QTGAL: variants seen among roughly 807,000 people sequenced by gnomAD.
QTGAL encodes queuosine-tRNA galactosyltransferase, also known as BGnT-like protein 1.
the QTGAL span, among the ~76,000 whole-genome samples, chr17:83,008,400 G>A: frequency 6.6e-6 from 1 of 152,214 alleles, no homozygotes; most frequent in Non-Finnish European, 1.5e-5. Flanking sequence ...TTTATACGGG[G>A]ACCACCAGGA....
At chr17:83,044,384 C>T in the QTGAL span, among the ~76,000 whole-genome samples, 1 of 152,172 alleles carries the variant, frequency 6.6e-6, no homozygotes. Flanking sequence ...GGGGAAAAAA[C>T]TATATGATCA....
chr17:82,952,284 G>A, the QTGAL span, among the ~76,000 whole-genome samples: 1 of 152,114 alleles, frequency 6.6e-6, no homozygotes, highest in Non-Finnish European at 1.5e-5. Flanking sequence ...GCTGTCACAG[G>A]TGCCCATGTC....
At chr17:83,023,250 G>A in the QTGAL span, among the ~76,000 whole-genome samples, 531 of 34,076 alleles carry the variant, frequency 0.016, 8 homozygotes, top group African/African-American at 0.027. Context: ...GTGAACTCAC[G>A]TTAGCTTAGC....
chr17:83,005,897 T>G, the QTGAL span: 34 of 1,362,704 alleles, frequency 2.5e-5, no homozygotes, highest in Non-Finnish European at 3.2e-5. The surrounding 1 kb of genome is among the most constrained non-coding windows in gnomAD (Gnocchi z 5.6). Flanking sequence ...TGCCCCGGAG[T>G]GGGCTCCCAG....
chr17:82,972,122 C>CT, the QTGAL span, among the ~76,000 whole-genome samples: 1 of 64,936 alleles, frequency 1.5e-5, no homozygotes, highest in African/African-American at 6.8e-5. Context: ...CCACACCACA[C>CT]CACAGGGGAT....
the QTGAL span, among the ~76,000 whole-genome samples, chr17:82,983,236 C>T: frequency 1.8e-4 from 27 of 152,134 alleles, no homozygotes; most frequent in Admixed American, 1.4e-3. Context: ...GCCGAGATCA[C>T]GCCATTGCAC....
chr17:82,999,136 T>C, the QTGAL span, among the ~76,000 whole-genome samples: 2 of 152,196 alleles, frequency 1.3e-5, no homozygotes, highest in African/African-American at 4.8e-5. Context: ...TCTAAGTATT[T>C]TCCCAAGAGA....
At chr17:82,997,933 A>ATT in the QTGAL span, among the ~76,000 whole-genome samples, 2 of 118,528 alleles carry the variant, frequency 1.7e-5, no homozygotes, top group African/African-American at 9.2e-5. Context: ...AAAAAAAAAT[A>ATT]TATATATATA....
the QTGAL span, among the ~76,000 whole-genome samples, chr17:82,969,954 CTG>C: frequency 6.6e-6 from 1 of 152,152 alleles, no homozygotes. Context: ...TTGTGGGACT[CTG>C]GGTGTGAGTC....
At chr17:82,991,473 C>T in the QTGAL span, among the ~76,000 whole-genome samples, 1 of 152,216 alleles carries the variant, frequency 6.6e-6, no homozygotes, top group Non-Finnish European at 1.5e-5. Context: ...AAGCTTGGTC[C>T]TCCTTGCCTT....
At chr17:83,007,988 C>T in the QTGAL span, among the ~76,000 whole-genome samples, 45,214 of 152,184 alleles carry the variant, frequency 0.3, 6,708 homozygotes, top group Middle Eastern at 0.41. Context: ...ACCAACAGCG[C>T]CCAGCCGCGA....
chr17:82,977,813 C>T, the QTGAL span, among the ~76,000 whole-genome samples: 4 of 152,170 alleles, frequency 2.6e-5, no homozygotes, highest in African/African-American at 7.2e-5. Context: ...AGAACAGCCT[C>T]GTTTTCACGC....
the QTGAL span, among the ~76,000 whole-genome samples, chr17:82,974,154 C>T: frequency 4.1e-4 from 62 of 152,318 alleles, no homozygotes; most frequent in African/African-American, 1.4e-3. Context: ...CTGTCCTCTA[C>T]GGAGCTGGCA....
chr17:83,000,740 G>GA, the QTGAL span, among the ~76,000 whole-genome samples: 3 of 152,174 alleles, frequency 2.0e-5, no homozygotes, highest in Non-Finnish European at 4.4e-5. Flanking sequence ...CACTTGCTGA[G>GA]AAAAACCCAA....
chr17:83,026,476 A>G, the QTGAL span, among the ~76,000 whole-genome samples: 1 of 152,268 alleles, frequency 6.6e-6, no homozygotes, highest in Non-Finnish European at 1.5e-5. Flanking sequence ...ACAGATACAC[A>G]GAGCGGGGCA....
At chr17:82,997,930 A>AAATAT in the QTGAL span, among the ~76,000 whole-genome samples, 38 of 131,632 alleles carry the variant, frequency 2.9e-4, no homozygotes, top group Admixed American at 7.4e-4. Context: ...TAAAAAAAAA[A>AAATAT]ATATATATAT....
chr17:83,008,555 C>G, the QTGAL span, among the ~76,000 whole-genome samples: 2 of 152,194 alleles, frequency 1.3e-5, no homozygotes, highest in Non-Finnish European at 2.9e-5. Flanking sequence ...ACATGGCCAT[C>G]GACCCTCAAG....
At chr17:83,019,396 C>G in the QTGAL span, among the ~76,000 whole-genome samples, 1 of 152,228 alleles carries the variant, frequency 6.6e-6, no homozygotes, top group African/African-American at 2.4e-5. Context: ...TTTTTAAAAT[C>G]TATGCAAGTT....
the QTGAL span, among the ~76,000 whole-genome samples, chr17:83,033,516 G>C: frequency 1.3e-5 from 2 of 149,782 alleles, no homozygotes; most frequent in East Asian, 3.9e-4. Context: ...CTGTCGCCCA[G>C]GCTGGAGTGC....
Sources: allele counts gnomAD v4.1 joint callset (sites outside exome capture counted in the v4.1 genomes callset), GRCh38; gene constraint gnomAD v4.1.1; non-coding constraint Gnocchi (gnomAD v3.1); transcripts MANE v1.5; gene names NCBI Gene and HGNC (gene_info 2026-07-23, HGNC 2026-07-21).